STN1: variants seen among roughly 807,000 people sequenced by gnomAD.
STN1 encodes the protein STN1 subunit of CST complex.
Under a neutral mutation model 45.5 loss-of-function variants are expected in STN1, and 29 were observed. The ratio of observed to expected loss-of-function variants is 0.64; its 90% CI spans 0.47 to 0.87. STN1 has a LOEUF of 0.87. Ranked by LOEUF, STN1 falls within the 40% of genes least tolerant of loss-of-function variation. The pLI is 0.00. For missense variants in STN1, 376 were observed against 441.4 expected (o/e 0.85, Z 1.33); for synonymous variants, 148 against 159.0 (o/e 0.93, Z 0.52).
chr10:103,904,644 A>T (rs1366530832), intron 4 of STN1, among the ~76,000 whole-genome samples: 1 of 152,192 alleles, frequency 6.6e-6, no homozygotes, highest in Non-Finnish European at 1.5e-5. Flanking sequence ...GTTTGAACAC[A>T]GAGATTTTAG....
At chr10:103,897,436 G>T in intron 7 of STN1, 112 bp downstream of exon 7, 1 of 950,502 alleles carries the variant, frequency 1.1e-6, no homozygotes, top group Non-Finnish European at 1.7e-6. Context: ...CATTCCCTCC[G>T]TTCCCTGGGT....
intron 2 of STN1, among the ~76,000 whole-genome samples, chr10:103,914,392 T>TTG (rs1843314542): frequency 1.4e-5 from 2 of 139,320 alleles, no homozygotes; most frequent in African/African-American, 5.5e-5. Flanking sequence ...TTTTTTTTTT[T>TTG]GAGACAGGGT....
chr10:103,892,900 T>C (rs1050451987), intron 7 of STN1, among the ~76,000 whole-genome samples: 2 of 152,172 alleles, frequency 1.3e-5, no homozygotes, highest in African/African-American at 4.8e-5. Context: ...GGGAGGGTCA[T>C]CCAGGTCATC....
chr10:103,901,391 G>A (rs143866688), intron 4 of STN1, among the ~76,000 whole-genome samples: 5 of 152,128 alleles, frequency 3.3e-5, no homozygotes, highest in African/African-American at 7.2e-5. Flanking sequence ...TTTTACTTTC[G>A]TTTTTTTCAC....
Position 103,900,070 on chromosome 10 carries a change from G to C in STN1, c.449C>G (p.Thr150Ser), listed in dbSNP as rs1435045406. The C allele has an allele frequency of 6.2e-7, 1 of 1,613,920 alleles. No homozygotes were observed. The change falls in exon 5 of 10, where the codon ACC becomes AGC. Residue 150 changes from threonine (T) to serine (S), a missense_variant. Coordinates refer to ENST00000224950, the MANE Select transcript of STN1 (RefSeq NM_024928.5). Reference sequence around the variant, plus strand: ...AAATATCTTGTGCTTACAGTAAGTGGTGGCATGAATCTCTCGCTCTTCTCT... The same window carrying C: ...AAATATCTTGTGCTTACAGTAAGTGCTGGCATGAATCTCTCGCTCTTCTCT... Reference protein sequence around the residue: ...TYREEREIHATTYYKVDDPVW... With the variant: ...TYREEREIHASTYYKVDDPVW...
At chr10:103,916,986 A>G (rs1395729505) in intron 2 of STN1, among the ~76,000 whole-genome samples, 1 of 152,130 alleles carries the variant, frequency 6.6e-6, no homozygotes, top group African/African-American at 2.4e-5. Flanking sequence ...AAAGAAAACA[A>G]ACCCCCTTTA....
chr10:103,916,418 A>G (rs918241098), intron 2 of STN1, among the ~76,000 whole-genome samples: 4 of 152,238 alleles, frequency 2.6e-5, no homozygotes, highest in African/African-American at 9.6e-5. Context: ...AAGGGAAAAC[A>G]CAGACCATTT....
chr10:103,892,331 G>C, intron 7 of STN1, 79 bp from the exon 8 acceptor site: 1 of 1,347,652 alleles, frequency 7.4e-7, no homozygotes, highest in Admixed American at 2.6e-5. Context: ...TAGACCAACT[G>C]GTTCATGAAT....
intron 8 of STN1, 52 bp from the exon 9 acceptor site, chr10:103,889,196 T>C (rs1193745116): frequency 1.7e-6 from 2 of 1,181,478 alleles, no homozygotes; most frequent in Admixed American, 1.7e-5. Context: ...AACACAGCAG[T>C]TGTGTCATCC....
chr10:103,909,532 A>ATATGTATATATATGTGTGTG (rs1554837255), intron 3 of STN1, among the ~76,000 whole-genome samples: 756 of 58,494 alleles, frequency 0.013, 83 homozygotes, highest in East Asian at 0.074. Flanking sequence ...ATATATGTAC[A>ATATGTATATATATGTGTGTG]TATATATGTA....
At chr10:103,917,403 G>A (rs575358532) in intron 2 of STN1, 59 bp downstream of exon 2, 3 of 1,555,606 alleles carry the variant, frequency 1.9e-6, no homozygotes, top group East Asian at 4.5e-5. Flanking sequence ...AGCTTTCTGA[G>A]ACTTTGGGAA....
chr10:103,917,258 T>TAAAAAAAAAAAAA (rs5787502), intron 2 of STN1, among the ~76,000 whole-genome samples: 1 of 90,686 alleles, frequency 1.1e-5, no homozygotes. Context: ...AAACACCTAC[T>TAAAAAAAAAAAAA]AAAAAAAAAA....
intron 4 of STN1, among the ~76,000 whole-genome samples, chr10:103,904,718 T>C (rs1843229736): frequency 6.6e-6 from 1 of 152,166 alleles, no homozygotes; most frequent in Non-Finnish European, 1.5e-5. Flanking sequence ...GTCTTCAAAA[T>C]GTTCTTTGGT....
chr10:103,893,415 G>A (rs1037200952), intron 7 of STN1, among the ~76,000 whole-genome samples: 12 of 152,058 alleles, frequency 7.9e-5, no homozygotes, highest in East Asian at 7.7e-4. Context: ...TGATCCACCC[G>A]CCTCGGCCTC....
At chr10:103,905,649 A>G (rs1458490092) in intron 3 of STN1, among the ~76,000 whole-genome samples, 5 of 152,216 alleles carry the variant, frequency 3.3e-5, no homozygotes, top group African/African-American at 1.2e-4. Flanking sequence ...TTCCCAAGAC[A>G]AAGTGTTCCA....
chr10:103,897,949 A>G (rs1299465619), intron 6 of STN1, among the ~76,000 whole-genome samples: 1 of 152,204 alleles, frequency 6.6e-6, no homozygotes, highest in East Asian at 1.9e-4. Flanking sequence ...CAAACTGCAG[A>G]ACAGCATGTA....
chr10:103,888,132 C>T (rs183182867), intron 9 of STN1, among the ~76,000 whole-genome samples: 105 of 152,302 alleles, frequency 6.9e-4, no homozygotes, highest in African/African-American at 2.4e-3. Context: ...CTCTGGGATC[C>T]GACCTCATGG....
At chr10:103,909,354 CAAAA>C (rs1182343917) in intron 3 of STN1, among the ~76,000 whole-genome samples, 3 of 61,274 alleles carry the variant, frequency 4.9e-5, no homozygotes, top group Admixed American at 1.8e-4. Flanking sequence ...TTTTCAGAAT[CAAAA>C]AAAAAAAATA....
intron 8 of STN1, among the ~76,000 whole-genome samples, chr10:103,889,503 C>T (rs1189568901): frequency 6.6e-6 from 1 of 151,300 alleles, no homozygotes; most frequent in Non-Finnish European, 1.5e-5. Context: ...CCCATGACTC[C>T]TTCTTCTGGG....
Sources: allele counts gnomAD v4.1 joint callset (sites outside exome capture counted in the v4.1 genomes callset), GRCh38; gene constraint gnomAD v4.1.1; transcripts MANE v1.5; gene names NCBI Gene and HGNC (gene_info 2026-07-23, HGNC 2026-07-21).